ZNF846: variants seen among roughly 807,000 people sequenced by gnomAD.
The protein encoded by ZNF846 is zinc finger protein 846.
In ZNF846, 15 loss-of-function variants were observed where a neutral mutation model predicts 16.0. The observed-to-expected ratio is 0.94, with a 90% confidence interval of 0.63 to 1.45. The LOEUF is 1.45. ZNF846 is among the 40% of genes most tolerant of loss of function. The pLI is 0.00. For missense variants in ZNF846, 714 were observed against 622.3 expected (o/e 1.15, Z -1.57); for synonymous variants, 229 against 212.0 (o/e 1.08, Z -0.70).
At chr19:9,782,501 A>G (rs1318401363) in intron 1 of ZNF846, among the ~76,000 whole-genome samples, 1 of 151,880 alleles carries the variant, frequency 6.6e-6, no homozygotes, top group African/African-American at 2.4e-5. Flanking sequence ...GGTCTCAGGC[A>G]GTCCTCCCGA....
upstream of ZNF846, among the ~76,000 whole-genome samples, chr19:9,770,915 T>G (rs1200179351): frequency 1.3e-5 from 2 of 151,960 alleles, no homozygotes; most frequent in African/African-American, 4.8e-5. Context: ...AAATAAAACC[T>G]AGAAAAAGAA....
intron 2 of ZNF846, 117 bp from the exon 3 acceptor site, chr19:9,763,525 C>T: frequency 1.2e-6 from 1 of 857,408 alleles, no homozygotes; most frequent in Non-Finnish European, 1.7e-6. Flanking sequence ...GGCCTCAGGC[C>T]TCTTCTCCTC....
chr19:9,750,882 G>C (rs1190524726), downstream of ZNF846, among the ~76,000 whole-genome samples: 1 of 152,144 alleles, frequency 6.6e-6, no homozygotes, highest in Non-Finnish European at 1.5e-5. Context: ...CCAAGGCCTC[G>C]ATTTACTCAC....
upstream of ZNF846, among the ~76,000 whole-genome samples, chr19:9,771,051 G>C (rs2045385885): frequency 6.6e-6 from 1 of 152,020 alleles, no homozygotes; most frequent in Non-Finnish European, 1.5e-5. Flanking sequence ...CTGGGATTTT[G>C]GTGCACCCAT....
At chr19:9,753,943 C>T (rs1020713009), downstream of ZNF846, among the ~76,000 whole-genome samples, 3 of 151,622 alleles carry the variant, frequency 2.0e-5, no homozygotes, top group East Asian at 5.8e-4. Flanking sequence ...TTGATATTAT[C>T]GTGGCTGTTC....
intron 4 of ZNF846, among the ~76,000 whole-genome samples, chr19:9,760,868 G>C (rs963750924): frequency 2.6e-5 from 4 of 151,508 alleles, no homozygotes; most frequent in Non-Finnish European, 4.4e-5. Context: ...CTGACTACTT[G>C]ATGGGTATAT....
chr19:9,771,021 A>G (rs951636960), upstream of ZNF846, among the ~76,000 whole-genome samples: 10 of 151,936 alleles, frequency 6.6e-5, no homozygotes, highest in African/African-American at 9.7e-5. Context: ...TTACATGGAT[A>G]AGTTCTTTAG....
At chr19:9,765,673 A>AAAAC (rs907897144) in intron 1 of ZNF846, among the ~76,000 whole-genome samples, 15 of 152,250 alleles carry the variant, frequency 9.9e-5, no homozygotes, top group African/African-American at 2.4e-4. Flanking sequence ...ACTCCATCTC[A>AAAAC]AAACAAACAA....
exon 6 of ZNF846, chr19:9,758,232 T>C: frequency 6.2e-7 from 1 of 1,613,412 alleles, no homozygotes. Context: ...TTTACATTTA[T>C]ATGGTTTTTC....
At chr19:9,751,338 C>G (rs542120473), downstream of ZNF846, among the ~76,000 whole-genome samples, 1 of 152,278 alleles carries the variant, frequency 6.6e-6, no homozygotes, top group South Asian at 2.1e-4. Context: ...CTCCTCCATA[C>G]AGCCCCAAAA....
At chr19:9,762,464 T>A (rs1568323914) in intron 3 of ZNF846, 1 of 248,846 alleles carries the variant, frequency 4.0e-6, no homozygotes, top group Non-Finnish European at 7.8e-6. Context: ...GTGGTGAAAC[T>A]TCCTCTCTAC....
intron 1 of ZNF846, among the ~76,000 whole-genome samples, chr19:9,785,160 C>T (rs560227573): frequency 6.0e-5 from 9 of 151,196 alleles, no homozygotes; most frequent in African/African-American, 1.9e-4. Flanking sequence ...CATCTGTTCT[C>T]TCACTACTGA....
exon 6 of ZNF846, chr19:9,757,567 T>C: frequency 6.2e-7 from 1 of 1,613,582 alleles, no homozygotes; most frequent in Non-Finnish European, 8.5e-7. Flanking sequence ...TCATATGGTT[T>C]TGCTCCAGTG....
intron 1 of ZNF846, among the ~76,000 whole-genome samples, chr19:9,776,640 C>A (rs556578159): frequency 4.6e-5 from 7 of 152,334 alleles, no homozygotes; most frequent in African/African-American, 1.7e-4. Flanking sequence ...GGTCTCCGTG[C>A]ATTGGGGGTA....
chr19:9,765,002 T>A (rs368226931), exon 2 of ZNF846: 26 of 1,605,478 alleles, frequency 1.6e-5, no homozygotes, highest in South Asian at 4.4e-5. Flanking sequence ...GATGTTCCTG[T>A]CATGAAGACA....
rs554367995 is a variant in ZNF846 at position 9,785,989 on chromosome 19, G to A, written c.-137C>T. The A allele has an allele frequency of 2.0e-5, 3 of 151,334 alleles. No homozygotes were observed. In the South Asian group the frequency reaches 6.3e-4, roughly 32 times the overall value. 9.4% of individuals were successfully genotyped at this position (151,334 alleles called of 1,614,324 possible). On this transcript the variant is annotated 5_prime_UTR_variant, in exon 1 of 5. Coordinates refer to the ZNF846 transcript ENST00000586814. ...AACCGTTGGGCCAGCGGCGGCTAAA[G>A]GGCAGGAGGCGCCGCTGTGGCCACG...
chr19:9,768,882 C>G (rs1273281372), upstream of ZNF846: 1 of 152,146 alleles, frequency 6.6e-6, no homozygotes, highest in Non-Finnish European at 1.5e-5. Flanking sequence ...CAGAAAAGTC[C>G]CGTTTTCTCG....
At chr19:9,761,196 C>T (rs943515392) in intron 4 of ZNF846, among the ~76,000 whole-genome samples, 2 of 144,070 alleles carry the variant, frequency 1.4e-5, no homozygotes, top group African/African-American at 2.7e-5. Flanking sequence ...GAGAGAGACT[C>T]TGTCTCAAAC....
upstream of ZNF846, among the ~76,000 whole-genome samples, chr19:9,773,428 G>C (rs940396553): frequency 6.6e-6 from 1 of 151,660 alleles, no homozygotes; most frequent in Non-Finnish European, 1.5e-5. Context: ...GTGTGTGTCT[G>C]TGTGTGTGTG....
Sources: allele counts gnomAD v4.1 joint callset (sites outside exome capture counted in the v4.1 genomes callset), GRCh38; gene constraint gnomAD v4.1.1; transcripts MANE v1.5; gene names NCBI Gene and HGNC (gene_info 2026-07-23, HGNC 2026-07-21).